The following PRKAG2 variants were observed in gnomAD, a reference collection of about 807,000 sequenced individuals.
PRKAG2 encodes the protein 5'-AMP-activated protein kinase subunit gamma-2.
A neutral mutation model predicts 69.6 loss-of-function variants in PRKAG2; 26 were observed. The observed-to-expected ratio is 0.37, with a 90% confidence interval of 0.27 to 0.52. The LOEUF (loss-of-function observed/expected upper bound fraction) is 0.52, where lower values mean the gene tolerates loss of function less well. PRKAG2 is among the 20% of genes least tolerant of loss of function. PRKAG2 has a pLI of 0.90. For missense variants in PRKAG2, 557 were observed against 740.0 expected (o/e 0.75, Z 2.87); for synonymous variants, 293 against 285.0 (o/e 1.03, Z -0.28).
intron 1 of PRKAG2, among the ~76,000 whole-genome samples, chr7:151,838,950 G>A (rs978310259): frequency 2.6e-5 from 4 of 151,288 alleles, no homozygotes; most frequent in Non-Finnish European, 5.9e-5. Context: ...GGAAGGCAGA[G>A]GTTGTAGTGT....
At chr7:151,578,174 G>A (rs888461860) in intron 6 of PRKAG2, among the ~76,000 whole-genome samples, 5 of 151,704 alleles carry the variant, frequency 3.3e-5, no homozygotes, top group Admixed American at 1.3e-4. Flanking sequence ...GTAAAACCTC[G>A]TCTCCACTAA....
At chr7:151,631,619 A>G (rs1203305756) in intron 5 of PRKAG2, 2 of 452,966 alleles carry the variant, frequency 4.4e-6, no homozygotes, top group South Asian at 3.1e-5. Flanking sequence ...TCCCCATTAA[A>G]AAAGAAGACA....
chr7:151,819,059 T>G (rs963534733), intron 1 of PRKAG2, among the ~76,000 whole-genome samples: 2 of 152,202 alleles, frequency 1.3e-5, no homozygotes, highest in African/African-American at 4.8e-5. Flanking sequence ...AAATGAGTGG[T>G]GTGCAGAGTG....
At chr7:151,803,852 C>A (rs1029718186) in intron 1 of PRKAG2, among the ~76,000 whole-genome samples, 4 of 146,720 alleles carry the variant, frequency 2.7e-5, no homozygotes, top group Non-Finnish European at 5.9e-5. Flanking sequence ...GCAGGAGAAT[C>A]ATTTGAACCT....
chr7:151,570,157 A>T lies in PRKAG2; in HGVS notation c.1106+14T>A, dbSNP rs1029798767. On this transcript the variant is annotated intron_variant, in intron 10 of 15. Transcript: ENST00000287878. The stretch of plus-strand genomic sequence containing the variant: ...CTGAATGAATGTTTTCAAAGAAAAA[A>T]AAAACAAGTTTACCTTGCATCTGGA... 3.8e-6 allele frequency: 6 copies of T among 1,596,826 alleles called. No individual in the cohort carries two copies. The highest frequency in any genetic ancestry group is 5.1e-6 in the Non-Finnish European group (6 of 1,170,078).
chr7:151,776,877 G>C (rs1397371637), intron 3 of PRKAG2, among the ~76,000 whole-genome samples: 1 of 152,168 alleles, frequency 6.6e-6, no homozygotes, highest in Non-Finnish European at 1.5e-5. Flanking sequence ...CAGCAATGAG[G>C]CCTTCAGGTA....
In PRKAG2 at chr7:151,771,934, A is replaced by T. The variant is rs1233568091; in HGVS notation, c.466+9218T>A. 6.6e-6 allele frequency among the ~76,000 whole-genome samples: 1 copy of T among 152,206 alleles called. No individual in the cohort carries two copies. Among genetic ancestry groups the T allele is most frequent in the Non-Finnish European group, 1.5e-5 (1 of 68,036 alleles). ...CACATTTTAGAAAGCATTGAAAAAC[A>T]AGTTAAGTTGTTGGTGAATTAATTT... is the stretch of plus-strand genomic sequence containing the variant. On this transcript the variant is annotated intron_variant, in intron 3 of 15. Coordinates refer to ENST00000287878, the MANE Select transcript of PRKAG2 (RefSeq NM_016203.4). This position sits in a 1 kb window ranked among gnomAD's most constrained non-coding sequence, Gnocchi z 4.0.
intron 1 of PRKAG2, among the ~76,000 whole-genome samples, chr7:151,868,386 G>A (rs541092775): frequency 6.6e-6 from 1 of 152,160 alleles, no homozygotes; most frequent in Non-Finnish European, 1.5e-5. Flanking sequence ...AGTAACAGTG[G>A]GGGCTTCTAA....
rs2079545465 is a variant in PRKAG2, at chr7:151,850,598, C to A, written c.114+25909G>T. Among the ~76,000 whole-genome samples the A allele has an allele frequency of 6.6e-6, 1 of 152,090 alleles. No homozygotes were observed. Among genetic ancestry groups the A allele is most frequent in the South Asian group, 2.1e-4 (1 of 4,822 alleles). On this transcript the variant is annotated intron_variant, in intron 1 of 15. Transcript: ENST00000287878. This position sits in a 1 kb window ranked among gnomAD's most constrained non-coding sequence, Gnocchi z 4.1. The stretch of plus-strand genomic sequence containing the variant: ...GAGCCTGGATTGGAACCCAGATGGA[C>A]CAATTCCAAAATCCTCAAGTTCTAC...
At chr7:151,857,951 G>A (rs1440681686) in intron 1 of PRKAG2, among the ~76,000 whole-genome samples, 1 of 152,216 alleles carries the variant, frequency 6.6e-6, no homozygotes, top group Non-Finnish European at 1.5e-5. Context: ...CTCCCTAAGG[G>A]GTACAGGGTG....
At chr7:151,704,735 T>G (rs1409019696) in intron 3 of PRKAG2, among the ~76,000 whole-genome samples, 1 of 152,220 alleles carries the variant, frequency 6.6e-6, no homozygotes, top group Non-Finnish European at 1.5e-5. Context: ...GCGTATCTAC[T>G]GCAATCCACG....
intron 1 of PRKAG2, among the ~76,000 whole-genome samples, chr7:151,848,872 G>GA (rs1300446170): frequency 6.6e-6 from 1 of 152,110 alleles, no homozygotes; most frequent in Admixed American, 6.6e-5. Context: ...TGATAATAAG[G>GA]ATAATAAATA....
chr7:151,797,825 G>A (rs1197410916), intron 1 of PRKAG2, among the ~76,000 whole-genome samples: 4 of 152,084 alleles, frequency 2.6e-5, no homozygotes, highest in Non-Finnish European at 4.4e-5. Context: ...GGCCACTCCC[G>A]CAGCATCTGG....
At chr7:151,698,313 GT>G (rs1454439330) in intron 3 of PRKAG2, among the ~76,000 whole-genome samples, 1 of 152,186 alleles carries the variant, frequency 6.6e-6, no homozygotes, top group Non-Finnish European at 1.5e-5. Flanking sequence ...CCTCCTCCTG[GT>G]TTTTCCCTTC....
intron 13 of PRKAG2, among the ~76,000 whole-genome samples, chr7:151,564,742 T>C (rs1805835236): frequency 1.3e-5 from 2 of 151,652 alleles, no homozygotes; most frequent in South Asian, 2.1e-4. Context: ...AATGGCTTCA[T>C]GGGGCTCTCA....
At chr7:151,845,284 C>G (rs1399172746) in intron 1 of PRKAG2, among the ~76,000 whole-genome samples, 3 of 152,198 alleles carry the variant, frequency 2.0e-5, no homozygotes, top group Non-Finnish European at 4.4e-5. Flanking sequence ...GAAAATGAAT[C>G]TTGGGCTAAT....
intron 1 of PRKAG2, among the ~76,000 whole-genome samples, chr7:151,811,365 C>T (rs1394017452): frequency 6.6e-6 from 1 of 152,194 alleles, no homozygotes; most frequent in Non-Finnish European, 1.5e-5. Flanking sequence ...ATAATTTGCC[C>T]GTGGTAGCCA....
At chr7:151,809,185 A>C (rs1192694297) in intron 1 of PRKAG2, 1 of 455,086 alleles carries the variant, frequency 2.2e-6, no homozygotes, top group Non-Finnish European at 4.4e-6. Context: ...GCCTAATACT[A>C]AGGGCAAATC....
rs759403880 is a variant in PRKAG2 at position 151,807,357 on chromosome 7, T to G, written c.115-20816A>C. The G allele has an allele frequency of 2.2e-6, 1 of 453,126 alleles. No homozygotes were observed. The highest frequency in any genetic ancestry group is 1.6e-5 in the South Asian group (1 of 64,432). The allele number at this position is 453,126 out of a possible 1,614,324, so 28.1% of individuals were successfully genotyped here. A position where few individuals can be genotyped will look rare whatever the true frequency, so the allele number is the denominator to read the frequency against. On this transcript the variant is annotated intron_variant, in intron 1 of 15. Transcript: ENST00000287878. This position sits in a 1 kb window ranked among gnomAD's most constrained non-coding sequence, Gnocchi z 4.4. ...ATTAAGAATCCTGGAATACTCCATG[T>G]GCTTTTTCATGCAGCGGGAGTGGAA... is the stretch of plus-strand genomic sequence containing the variant.
Sources: allele counts gnomAD v4.1 joint callset (sites outside exome capture counted in the v4.1 genomes callset), GRCh38; gene constraint gnomAD v4.1.1; non-coding constraint Gnocchi (gnomAD v3.1); transcripts MANE v1.5; gene names NCBI Gene and HGNC (gene_info 2026-07-23, HGNC 2026-07-21).